Variants in PCDHGA6 observed in about 807,000 individuals in gnomAD.
PCDHGA6 encodes the protein protocadherin gamma subfamily A, 6.
Under a neutral mutation model 60.6 loss-of-function variants are expected in PCDHGA6, and 41 were observed. The observed-to-expected ratio is 0.68, with a 90% CI of 0.53 to 0.88. PCDHGA6 has a LOEUF of 0.88. PCDHGA6 is among the 40% of genes least tolerant of loss of function. The probability of loss-of-function intolerance (pLI) is 0.00; values close to 1 mark genes in which losing one functional copy is unlikely to be tolerated. For synonymous variants in PCDHGA6, 594 were observed against 524.4 expected (o/e 1.13, Z -1.81); for missense variants, 1,312 against 1,203.0 (o/e 1.09, Z -1.34).
intron 2 of PCDHGA6, among the ~76,000 whole-genome samples, chr5:141,498,397 G>A (rs1019408022): frequency 1.3e-5 from 2 of 152,136 alleles, no homozygotes; most frequent in African/African-American, 4.8e-5. Flanking sequence ...GAATGGCAGG[G>A]AGTTTTCTCT....
chr5:141,394,980 C>T, intron 1 of PCDHGA6: 2 of 1,614,012 alleles, frequency 1.2e-6, no homozygotes, highest in Non-Finnish European at 1.7e-6. Flanking sequence ...GCACAAGTCA[C>T]GCCTGCTCCA....
rs1771752072 is a variant in PCDHGA6, at chr5:141,375,685, C to T, written c.1602C>T (p.Ala534=). The T allele has an allele frequency of 6.2e-7, 1 of 1,614,262 alleles. No homozygotes were observed. Among genetic ancestry groups the T allele is most frequent in the Non-Finnish European group, 8.5e-7 (1 of 1,180,044 alleles). The stretch of plus-strand genomic sequence containing the variant: ...GAGACCTACAGCTGTGGGTGACAGC[C>T]AGCGACAGCGGGGACCCGCCTCTTA... ...QLRDLQLWVT[A]SDSGDPPLSS... The change falls in exon 1 of 4, where the codon GCC becomes GCT. Residue 534 remains alanine, a synonymous_variant. Coordinates refer to ENST00000517434, the MANE Select transcript of PCDHGA6 (RefSeq NM_018919.3).
chr5:141,414,644 A>C lies in PCDHGA6; in HGVS notation c.2424+38137A>C, dbSNP rs1310121141. 6.2e-7 allele frequency: 1 copy of C among 1,613,982 alleles called. No individual in the cohort carries two copies. Among genetic ancestry groups the C allele is most frequent in the Non-Finnish European group, 8.5e-7 (1 of 1,179,894 alleles). ...GACCCGGACAGCAAAGAGAATGCCC[A>C]GATTATTTACTCCCTGGCTGAAGAC... On this transcript the variant is annotated intron_variant, in intron 1 of 3. Transcript: ENST00000517434.
rs112156044 is a variant in PCDHGA6, at chr5:141,476,771, G to T, written c.2425-18036G>T. ...CCAGTTAGTGCTGACGGCGTTGGAC[G>T]GAGGGACCCCAGCTCTCTCCGCCAG... On this transcript the variant is annotated intron_variant, in intron 1 of 3. Coordinates refer to ENST00000517434, the MANE Select transcript of PCDHGA6 (RefSeq NM_018919.3). The surrounding 1 kb of genome is among the most constrained non-coding windows in gnomAD (Gnocchi z 7.6). The T allele has an allele frequency of 6.2e-7, 1 of 1,613,700 alleles. No homozygotes were observed. The highest frequency in any genetic ancestry group is 1.1e-5 in the South Asian group (1 of 91,084).
Position 141,389,814 on chromosome 5 carries a change from G to C in PCDHGA6, c.2424+13307G>C, listed in dbSNP as rs753211260. 2.0e-5 allele frequency: 32 copies of C among 1,613,868 alleles called. No individual in the cohort carries two copies. In the Admixed American group the frequency reaches 5.0e-4, roughly 25 times the overall value. ...CGTCCGCCAGCGCCTTCTGGTCGCCGTGCGTGACGGTGGACAGCCACCACT... is the reference window on the plus strand; with the variant it reads ...CGTCCGCCAGCGCCTTCTGGTCGCCCTGCGTGACGGTGGACAGCCACCACT... On this transcript the variant is annotated intron_variant, in intron 1 of 3. Transcript: ENST00000517434.
In PCDHGA6 at chr5:141,489,483, T is replaced by C. The variant is rs2099687756; in HGVS notation, c.2425-5324T>C. ...GCTATTTTTCCCTGAGCTTGATGAGTGGTGCCCTGGCAGTGAATCAAAAGA... is the reference window on the plus strand; with the variant it reads ...GCTATTTTTCCCTGAGCTTGATGAGCGGTGCCCTGGCAGTGAATCAAAAGA... On this transcript the variant is annotated intron_variant, in intron 1 of 3. Coordinates refer to ENST00000517434, the MANE Select transcript of PCDHGA6 (RefSeq NM_018919.3). This position sits in a 1 kb window ranked among gnomAD's most constrained non-coding sequence, Gnocchi z 4.5. 1 of 1,613,862 alleles carries C rather than the reference T, an allele frequency of 6.2e-7. No individual in the cohort carries two copies. The highest frequency in any genetic ancestry group is 1.1e-5 in the South Asian group (1 of 91,078).
chr5:141,396,525 C>T (rs2093390810), intron 1 of PCDHGA6: 1 of 151,326 alleles, frequency 6.6e-6, no homozygotes, highest in Non-Finnish European at 1.5e-5. Context: ...GAGGCTGAGG[C>T]AGAAGAATCA....
intron 3 of PCDHGA6, among the ~76,000 whole-genome samples, 153 bp from the exon 4 acceptor site, chr5:141,510,790 GAAGA>G (rs982513431): frequency 6.6e-5 from 10 of 152,264 alleles, no homozygotes; most frequent in African/African-American, 2.4e-4. Context: ...CAACTCTTGT[GAAGA>G]GAGACTACCT....
intron 1 of PCDHGA6, among the ~76,000 whole-genome samples, chr5:141,488,289 TAAGTGAA>T (rs1389982829): frequency 6.6e-6 from 1 of 152,186 alleles, no homozygotes; most frequent in Non-Finnish European, 1.5e-5. Context: ...GAAAAAACAG[TAAGTGAA>T]ATCACTTATG....
intron 1 of PCDHGA6, among the ~76,000 whole-genome samples, chr5:141,406,591 A>T (rs559975786): frequency 6.6e-6 from 1 of 152,164 alleles, no homozygotes; most frequent in African/African-American, 2.4e-5. Flanking sequence ...TTTCCCTTTA[A>T]TGGTGAAAGT....
At chr5:141,389,724 C>A in intron 1 of PCDHGA6, 3 of 1,612,722 alleles carry the variant, frequency 1.9e-6, no homozygotes, top group African/African-American at 1.3e-5. Context: ...CGAGCCCGGG[C>A]TCTTCAGCCT....
chr5:141,393,447 C>G, intron 1 of PCDHGA6: 1 of 1,614,052 alleles, frequency 6.2e-7, no homozygotes. Flanking sequence ...CCACCTGGTC[C>G]TCACGGCCTC....
chr5:141,404,525 T>G, intron 1 of PCDHGA6: 1 of 1,613,796 alleles, frequency 6.2e-7, no homozygotes, highest in South Asian at 1.1e-5. Flanking sequence ...CTATGAGCAG[T>G]TTAGAGATTT....
chr5:141,407,616 C>T (rs752226894), intron 1 of PCDHGA6, among the ~76,000 whole-genome samples: 3 of 151,970 alleles, frequency 2.0e-5, no homozygotes, highest in Non-Finnish European at 4.4e-5. Flanking sequence ...CATTGGTTGA[C>T]ATTCTATATC....
chr5:141,472,980 C>CAAAAAAAAAAAAAAAAAAGAAAAAAAA (rs60579131), intron 1 of PCDHGA6, among the ~76,000 whole-genome samples: 1 of 86,106 alleles, frequency 1.2e-5, no homozygotes, highest in Non-Finnish European at 2.5e-5. Flanking sequence ...GAGTGAAACT[C>CAAAAAAAAAAAAAAAAAAGAAAAAAAA]AAAAAAAAAA....
At chr5:141,406,331 C>A (rs577134835) in intron 1 of PCDHGA6, among the ~76,000 whole-genome samples, 22 of 152,002 alleles carry the variant, frequency 1.4e-4, no homozygotes, top group Non-Finnish European at 2.8e-4. Context: ...CTTACTCCTA[C>A]GATCATTTAT....
chr5:141,414,193 A>C, intron 1 of PCDHGA6: 1 of 1,610,884 alleles, frequency 6.2e-7, no homozygotes, highest in Admixed American at 1.7e-5. Context: ...AGTGTTGATT[A>C]CAGTAGAAGA....
intron 1 of PCDHGA6, chr5:141,409,193 T>C (rs1268258873): frequency 2.5e-6 from 4 of 1,613,870 alleles, no homozygotes; most frequent in Admixed American, 1.7e-5. Flanking sequence ...CTCTACCCAG[T>C]GTAAAGTAAT....
At chr5:141,464,024 G>A (rs2099074308) in intron 1 of PCDHGA6, among the ~76,000 whole-genome samples, 1 of 151,996 alleles carries the variant, frequency 6.6e-6, no homozygotes, top group East Asian at 1.9e-4. Context: ...CCACACTTTG[G>A]GAGGCCAAGG....
Sources: allele counts gnomAD v4.1 joint callset (sites outside exome capture counted in the v4.1 genomes callset), GRCh38; gene constraint gnomAD v4.1.1; non-coding constraint Gnocchi (gnomAD v3.1); transcripts MANE v1.5; gene names NCBI Gene and HGNC (gene_info 2026-07-23, HGNC 2026-07-21).